The following NDUFAF6 variants were observed in gnomAD, a reference collection of about 807,000 sequenced individuals.
NDUFAF6 encodes NADH dehydrogenase (ubiquinone) complex I, assembly factor 6.
In NDUFAF6, 45 loss-of-function variants were observed where a neutral mutation model predicts 40.8. That is an observed-to-expected ratio of 1.10 (90% CI 0.87 to 1.42). NDUFAF6 has a LOEUF of 1.42. Ranked by LOEUF, NDUFAF6 falls within the 40% of genes most tolerant of loss-of-function variation. The pLI is 0.00. For missense variants in NDUFAF6, 435 were observed against 418.5 expected (o/e 1.04, Z -0.34); for synonymous variants, 185 against 155.9 (o/e 1.19, Z -1.39).
intron 2 of NDUFAF6, among the ~76,000 whole-genome samples, chr8:95,093,828 T>C (rs1239689713): frequency 6.6e-6 from 1 of 152,274 alleles, no homozygotes; most frequent in Non-Finnish European, 1.5e-5. Context: ...ATTCAGTTAA[T>C]GTTAGGTAGC....
intron 2 of NDUFAF6, chr8:94,950,283 G>A (rs1417936245): frequency 2.6e-5 from 4 of 152,312 alleles, no homozygotes; most frequent in Non-Finnish European, 4.4e-5. Context: ...AAGAGAGTGA[G>A]ACAGTGGGCT....
intron 1 of NDUFAF6, among the ~76,000 whole-genome samples, chr8:94,909,111 C>T (rs146639271): frequency 1.3e-5 from 2 of 152,130 alleles, no homozygotes; most frequent in African/African-American, 4.8e-5. Flanking sequence ...TTTGGGAGCC[C>T]GAGGTGGGTG....
At chr8:95,004,359 T>TA (rs1826866848) in intron 2 of NDUFAF6, among the ~76,000 whole-genome samples, 1 of 144,660 alleles carries the variant, frequency 6.9e-6, no homozygotes. Context: ...CTTTTTTTTT[T>TA]TTTTTTTTTT....
intron 2 of NDUFAF6, among the ~76,000 whole-genome samples, chr8:94,994,962 T>C (rs1826357336): frequency 6.6e-6 from 1 of 152,226 alleles, no homozygotes; most frequent in Non-Finnish European, 1.5e-5. Flanking sequence ...TACTATCATA[T>C]GATCTAACAA....
rs114636813 is a variant in NDUFAF6 at position 94,959,308 on chromosome 8, A to G, written c.-199+1129A>G. ...GATGTAAAGGAGGAAACACATTCAC[A>G]TATCAAATTACAGCTGTCCTGGCTA... On this transcript the variant is annotated intron_variant, in intron 1 of 9. Transcript: ENST00000396111. Among the ~76,000 whole-genome samples, 420 of 152,312 alleles carry G rather than the reference A, an allele frequency of 2.8e-3. 2 individuals are homozygous for G. The highest frequency in any genetic ancestry group is 9.7e-3 in the African/African-American group (404 of 41,570).
intron 1 of NDUFAF6, chr8:94,940,096 T>C (rs1821375644): frequency 1.9e-6 from 3 of 1,614,214 alleles, no homozygotes; most frequent in Non-Finnish European, 2.5e-6. Flanking sequence ...AGGAATCACT[T>C]GTATCAGCCA....
chr8:94,907,885 T>C (rs1206102787), intron 1 of NDUFAF6, among the ~76,000 whole-genome samples: 4 of 152,218 alleles, frequency 2.6e-5, no homozygotes, highest in Admixed American at 2.6e-4. Flanking sequence ...TCTAGTAGAA[T>C]GTAAGCTCCA....
intron 2 of NDUFAF6, chr8:94,988,680 G>A (rs762749847): frequency 6.6e-6 from 1 of 152,236 alleles, no homozygotes; most frequent in Non-Finnish European, 1.5e-5. Flanking sequence ...GGACCTAGTA[G>A]ATTTAATGGA....
intron 2 of NDUFAF6, among the ~76,000 whole-genome samples, chr8:94,947,742 T>C (rs771782192): frequency 7.9e-5 from 12 of 152,340 alleles, no homozygotes; most frequent in South Asian, 2.1e-4. Flanking sequence ...CATAGCCTGA[T>C]AATCTTGAAT....
chr8:95,117,973 G>A (rs1810169271), downstream of NDUFAF6, among the ~76,000 whole-genome samples: 1 of 152,206 alleles, frequency 6.6e-6, no homozygotes, highest in South Asian at 2.1e-4. Flanking sequence ...TTATGATTCT[G>A]TGTCGGCTGA....
intron 2 of NDUFAF6, among the ~76,000 whole-genome samples, chr8:94,990,330 C>G (rs1398661754): frequency 6.6e-6 from 1 of 152,190 alleles, no homozygotes. Context: ...AGCAACCATT[C>G]TCCATTCTCT....
intron 2 of NDUFAF6, chr8:95,034,190 C>T (rs1050859735): frequency 9.6e-6 from 4 of 416,790 alleles, no homozygotes; most frequent in South Asian, 3.5e-5. Flanking sequence ...GTTATTCTGT[C>T]TACATATGTA....
At chr8:94,954,355 C>T (rs577196915), upstream of NDUFAF6, among the ~76,000 whole-genome samples, 1 of 152,348 alleles carries the variant, frequency 6.6e-6, no homozygotes, top group African/African-American at 2.4e-5. Flanking sequence ...ACCACCACAC[C>T]TGACCTATTT....
rs547183829 is a variant in NDUFAF6, at chr8:94,917,579, TG to T, written c.-936+21654del. Among the ~76,000 whole-genome samples, 1,139 of 152,126 alleles carry T rather than the reference TG, an allele frequency of 7.5e-3. 13 individuals carry two copies. The highest frequency in any genetic ancestry group is 0.026 in the African/African-American group (1,079 of 41,546). On this transcript the variant is annotated intron_variant, in intron 1 of 14. Coordinates refer to the NDUFAF6 transcript ENST00000396113. ...TATTGGCAATGGCATCCCCCAAAATTGGTTTTAAAATAGAAAATTCAACCAC... is the reference window on the plus strand; with the variant it reads ...TATTGGCAATGGCATCCCCCAAAATTGTTTTAAAATAGAAAATTCAACCAC...
chr8:95,079,570 G>A (rs1808749014), downstream of NDUFAF6, among the ~76,000 whole-genome samples: 1 of 152,080 alleles, frequency 6.6e-6, no homozygotes, highest in South Asian at 2.1e-4. Flanking sequence ...GAAAACCATT[G>A]AACTAAAGAA....
intron 1 of NDUFAF6, among the ~76,000 whole-genome samples, chr8:94,918,446 G>A (rs1819280907): frequency 6.6e-6 from 1 of 152,142 alleles, no homozygotes; most frequent in Non-Finnish European, 1.5e-5. Context: ...GACAATCCTG[G>A]TCAGCTCTTT....
upstream of NDUFAF6, among the ~76,000 whole-genome samples, chr8:95,022,004 A>G (rs1321107655): frequency 1.3e-5 from 2 of 152,202 alleles, no homozygotes; most frequent in East Asian, 3.8e-4. Context: ...GTAGTGTCAG[A>G]AGGGTTGCAT....
chr8:94,969,575 A>G (rs926488742), intron 1 of NDUFAF6, among the ~76,000 whole-genome samples: 1 of 152,178 alleles, frequency 6.6e-6, no homozygotes, highest in African/African-American at 2.4e-5. Context: ...TGGGAGTTCA[A>G]GGCTGCGGTG....
chr8:95,116,687 AG>A (rs1175306765), downstream of NDUFAF6, among the ~76,000 whole-genome samples: 2 of 152,162 alleles, frequency 1.3e-5, no homozygotes, highest in Admixed American at 6.5e-5. Flanking sequence ...CATATTTTGA[AG>A]TAAAAAGTAC....
Sources: allele counts gnomAD v4.1 joint callset (sites outside exome capture counted in the v4.1 genomes callset), GRCh38; gene constraint gnomAD v4.1.1; transcripts MANE v1.5; gene names NCBI Gene and HGNC (gene_info 2026-07-23, HGNC 2026-07-21).